Variants in MTIF2 observed in about 807,000 individuals in gnomAD.
MTIF2 encodes translation initiation factor IF-2, mitochondrial.
A neutral mutation model predicts 83.5 loss-of-function variants in MTIF2; 71 were observed. The ratio of observed to expected loss-of-function variants is 0.85; its 90% CI spans 0.70 to 1.04. MTIF2 has a LOEUF of 1.04. Ranked by LOEUF, MTIF2 falls within the 50% of genes least tolerant of loss-of-function variation. The pLI, the probability that MTIF2 is intolerant of heterozygous loss-of-function variation, is 0.00. For synonymous variants in MTIF2, 319 were observed against 287.1 expected, an observed-to-expected ratio of 1.11 and a Z score of -1.12; for missense variants, 957 against 846.5, an observed-to-expected ratio of 1.13 and a Z score of -1.62.
rs1026568625 is a variant in MTIF2, at chr2:55,242,871, A to G, written c.1705+69T>C. ...GTCAGGTGTGACAAGCCAAGCAACA[A>G]AAGACAGAAGCAGATGGTTCAGTGT... On this transcript the variant is annotated intron_variant, in intron 13 of 15. Coordinates refer to ENST00000263629, the MANE Select transcript of MTIF2 (RefSeq NM_002453.3). The G allele has an allele frequency of 3.9e-5, 59 of 1,501,866 alleles. 1 individual carries two copies. In the South Asian group the frequency reaches 6.1e-4, roughly 16 times the overall value. The allele number at this position is 1,501,866 out of a possible 1,614,324, so 93.0% of individuals were successfully genotyped here.
intron 9 of MTIF2, among the ~76,000 whole-genome samples, chr2:55,248,527 C>T (rs1676863025): frequency 6.6e-6 from 1 of 152,084 alleles, no homozygotes; most frequent in South Asian, 2.1e-4. Flanking sequence ...TTAGCAGCAA[C>T]CTCTATAGGG....
At chr2:55,245,374 T>C (rs1170208442) in intron 10 of MTIF2, among the ~76,000 whole-genome samples, 1 of 151,902 alleles carries the variant, frequency 6.6e-6, no homozygotes, top group Non-Finnish European at 1.5e-5. Flanking sequence ...ATACAAAAAT[T>C]AGCCAGGCAT....
intron 6 of MTIF2, 37 bp downstream of exon 6, chr2:55,254,617 C>G (rs887799121): frequency 6.7e-7 from 1 of 1,498,538 alleles, no homozygotes; most frequent in African/African-American, 1.4e-5. Context: ...TATGTAGTCT[C>G]CCCCAAACCC....
Position 55,262,922 on chromosome 2 carries a change from T to C in MTIF2, c.220-495A>G, listed in dbSNP as rs113908662. 8.1e-3 allele frequency among the ~76,000 whole-genome samples: 1,226 copies of C among 152,236 alleles called. 18 individuals are homozygous for C. The highest frequency in any genetic ancestry group is 0.028 in the African/African-American group (1,163 of 41,528). ...TTTTGTATTTTCAGTAGAAACAGGG[T>C]TTCGCCATGTTGGCCAGGCTAGTCT... On this transcript the variant is annotated intron_variant, in intron 4 of 15. Transcript: ENST00000263629.
intron 8 of MTIF2, 42 bp downstream of exon 8, chr2:55,252,435 T>C (rs374575173): frequency 1.6e-5 from 26 of 1,578,852 alleles, no homozygotes; most frequent in East Asian, 2.2e-5. Context: ...CCCCAGAACT[T>C]TGACTTTATG....
chr2:55,241,107 T>C (rs188143638), intron 13 of MTIF2, among the ~76,000 whole-genome samples: 1 of 151,966 alleles, frequency 6.6e-6, no homozygotes, highest in Non-Finnish European at 1.5e-5. Context: ...ACTCTTGTCT[T>C]AAACAAAATG....
intron 2 of MTIF2, among the ~76,000 whole-genome samples, chr2:55,268,027 C>A (rs1002997938): frequency 6.6e-6 from 1 of 151,964 alleles, no homozygotes; most frequent in East Asian, 1.9e-4. Flanking sequence ...TCGAGGCGGG[C>A]GGATCACCTG....
intron 13 of MTIF2, 146 bp downstream of exon 13, chr2:55,242,794 T>A: frequency 1.4e-6 from 1 of 738,484 alleles, no homozygotes; most frequent in South Asian, 2.2e-5. Flanking sequence ...AAGTTTCAAT[T>A]GCTAGCTGGG....
chr2:55,258,890 G>T (rs1332893204), intron 5 of MTIF2, among the ~76,000 whole-genome samples: 1 of 151,686 alleles, frequency 6.6e-6, no homozygotes, highest in Non-Finnish European at 1.5e-5. Context: ...TGAAGCAGGA[G>T]AATTGCTTGA....
chr2:55,255,380 T>C (rs1179137312), intron 5 of MTIF2, among the ~76,000 whole-genome samples: 4 of 147,092 alleles, frequency 2.7e-5, no homozygotes, highest in Non-Finnish European at 4.5e-5. Context: ...ATACTATATA[T>C]ATATTTATAT....
chr2:55,246,392 G>T lies in MTIF2; in HGVS notation c.1051C>A (p.Pro351Thr). 6.2e-7 allele frequency: 1 copy of T among 1,613,730 alleles called. No homozygotes were observed. The highest frequency in any genetic ancestry group is 1.3e-5 in the African/African-American group (1 of 75,022). Reference protein sequence around the residue: ...LAEMLELKADPNGPVEGTVIE... With the variant: ...LAEMLELKADTNGPVEGTVIE... ...ACTGTTCCTTCCACTGGACCATTGG[G>T]ATCTGCTTTCAATTCTAACATTTCT... The change falls in exon 10 of 16, where the codon CCC becomes ACC. Residue 351 changes from proline (P) to threonine (T), a missense_variant. Pro to Thr is a conservative substitution (Grantham distance 38, BLOSUM62 -1). This residue lies in a region of MTIF2 where 733 missense variants were observed against 648.7 expected (regional missense o/e 1.13). Transcript: ENST00000263629.
Position 55,254,136 on chromosome 2 carries a change from T to G in MTIF2, c.569A>C (p.Asp190Ala). 1 of 1,614,174 alleles carries G rather than the reference T, an allele frequency of 6.2e-7. No homozygotes were observed. The highest frequency in any genetic ancestry group is 8.5e-7 in the Non-Finnish European group (1 of 1,180,016). The change falls in exon 7 of 16, where the codon GAT (aspartate) becomes GCT (alanine). Residue 190 changes from aspartate to alanine, a missense_variant. Asp to Ala is a moderately radical substitution (Grantham distance 126). Coordinates refer to ENST00000263629, the MANE Select transcript of MTIF2 (RefSeq NM_002453.3). The part of the protein sequence containing the change: ...SPVVTIMGHV[D>A]HGKTTLLDKF... Reference sequence around the variant, plus strand: ...GTCAAGTAATGTCGTTTTCCCGTGATCAACATGGCCCATTATAGTAACAAC... The same window carrying G: ...GTCAAGTAATGTCGTTTTCCCGTGAGCAACATGGCCCATTATAGTAACAAC...
chr2:55,257,037 C>T lies in MTIF2; in HGVS notation c.332-2212G>A, dbSNP rs568576235. On this transcript the variant is annotated intron_variant, in intron 5 of 15. Transcript: ENST00000263629. Reference sequence around the variant, plus strand: ...TATAGGAAAAATATTTACTTATTCTCTTTTTCATTTTATTTAATGTGCTTT... The same window carrying T: ...TATAGGAAAAATATTTACTTATTCTTTTTTTCATTTTATTTAATGTGCTTT... 2.8e-3 allele frequency among the ~76,000 whole-genome samples: 427 copies of T among 152,272 alleles called. 3 individuals are homozygous for T. Among genetic ancestry groups the T allele is most frequent in the African/African-American group, 7.2e-3 (301 of 41,556 alleles).
chr2:55,261,941 C>CAAAAAAAAAAAAAAAAAAAAA (rs5831348), intron 5 of MTIF2, among the ~76,000 whole-genome samples: 2 of 87,162 alleles, frequency 2.3e-5, no homozygotes, highest in Non-Finnish European at 2.6e-5. Flanking sequence ...AAAAAAAAAC[C>CAAAAAAAAAAAAAAAAAAAAA]AAAAAAAAAA....
At chr2:55,255,984 C>T (rs1343421616) in intron 5 of MTIF2, among the ~76,000 whole-genome samples, 1 of 151,924 alleles carries the variant, frequency 6.6e-6, no homozygotes, top group South Asian at 2.1e-4. Flanking sequence ...TCAAACAATT[C>T]TTCTGCCTCA....
chr2:55,242,287 A>G (rs919659491), intron 13 of MTIF2, among the ~76,000 whole-genome samples: 1 of 152,216 alleles, frequency 6.6e-6, no homozygotes. Flanking sequence ...TCAGTAGTAG[A>G]GGTGATATCT....
At chr2:55,237,617 A>C (rs1675958831) in intron 14 of MTIF2, among the ~76,000 whole-genome samples, 189 bp from the exon 15 acceptor site, 1 of 149,906 alleles carries the variant, frequency 6.7e-6, no homozygotes, top group Non-Finnish European at 1.5e-5. Context: ...ATGAATGAAA[A>C]TCTTTGGCTA....
chr2:55,237,649 C>CTTTTTTTTTTT lies in MTIF2; in HGVS notation c.1871-232_1871-222dup, dbSNP rs536036933. 5.4e-4 allele frequency among the ~76,000 whole-genome samples: 61 copies of CTTTTTTTTTTT among 112,984 alleles called. 2 individuals are homozygous for CTTTTTTTTTTT. The highest frequency in any genetic ancestry group is 8.8e-4 in the Admixed American group (8 of 9,040). The allele number at this position is 112,984 out of a possible 152,430, so 74.1% of individuals were successfully genotyped here. On this transcript the variant is annotated intron_variant, in intron 14 of 15. Transcript: ENST00000263629. ...GCTATTCTTTTCCTTTTCTTTTTTT[C>CTTTTTTTTTTT]TTTTTTTTTTTTTTTTTTTGAGACA...
intron 14 of MTIF2, among the ~76,000 whole-genome samples, chr2:55,239,042 G>C (rs1306190800): frequency 6.6e-6 from 1 of 152,206 alleles, no homozygotes; most frequent in Non-Finnish European, 1.5e-5. Context: ...CTTCAAAAAT[G>C]TCAAGGTCAA....
Sources: allele counts gnomAD v4.1 joint callset (sites outside exome capture counted in the v4.1 genomes callset), GRCh38; gene constraint gnomAD v4.1.1; regional missense constraint gnomAD v4.1.1; transcripts MANE v1.5; gene names NCBI Gene and HGNC (gene_info 2026-07-23, HGNC 2026-07-21).